The following CRISPLD1 variants were observed in gnomAD, a reference collection of about 807,000 sequenced individuals.
CRISPLD1 encodes the protein cysteine-rich secretory protein LCCL domain-containing 1.
A neutral mutation model predicts 77.5 loss-of-function variants in CRISPLD1; 60 were observed. That is an observed-to-expected ratio of 0.77 (90% CI 0.63 to 0.96). The LOEUF is 0.96. Ranked by LOEUF, CRISPLD1 falls within the 40% of genes least tolerant of loss-of-function variation. The pLI, the probability that CRISPLD1 is intolerant of heterozygous loss-of-function variation, is 0.00. For synonymous variants in CRISPLD1, 195 were observed against 200.1 expected (o/e 0.97, Z 0.22); for missense variants, 623 against 615.8 (o/e 1.01, Z -0.12).
At chr8:74,985,754 G>GA (rs904441963) in intron 1 of CRISPLD1, among the ~76,000 whole-genome samples, 172 bp from the exon 2 acceptor site, 11 of 151,778 alleles carry the variant, frequency 7.2e-5, no homozygotes, top group South Asian at 6.2e-4. Context: ...TCCTCTGGAA[G>GA]AAAAAAAATG....
chr8:75,019,757 A>G (rs1023327226), intron 10 of CRISPLD1, 113 bp from the exon 11 acceptor site: 2 of 742,168 alleles, frequency 2.7e-6, no homozygotes, highest in Admixed American at 2.4e-5. Context: ...TGTCTATTTT[A>G]GTAAGTGTTT....
At chr8:75,008,271 G>A (rs1812869323) in intron 2 of CRISPLD1, among the ~76,000 whole-genome samples, 1 of 152,020 alleles carries the variant, frequency 6.6e-6, no homozygotes, top group Admixed American at 6.6e-5. Flanking sequence ...AGTGGCAATT[G>A]TAGTGTGGTT....
chr8:75,004,046 T>C (rs1001225790), intron 2 of CRISPLD1, among the ~76,000 whole-genome samples: 1 of 152,260 alleles, frequency 6.6e-6, no homozygotes, highest in East Asian at 1.9e-4. Context: ...TTTCCTAAAC[T>C]GTTAGCTTGC....
intron 2 of CRISPLD1, among the ~76,000 whole-genome samples, chr8:74,987,755 A>G (rs923009922): frequency 6.6e-6 from 1 of 152,166 alleles, no homozygotes; most frequent in African/African-American, 2.4e-5. Context: ...TGCTTATTCC[A>G]TGTGAATAGG....
At chr8:75,005,136 G>GT (rs925615310) in intron 2 of CRISPLD1, among the ~76,000 whole-genome samples, 3 of 152,030 alleles carry the variant, frequency 2.0e-5, no homozygotes, top group African/African-American at 7.2e-5. Context: ...TGCTTCTTAG[G>GT]TAATTGAGAT....
chr8:75,029,650 G>C (rs899862424), intron 14 of CRISPLD1, 133 bp downstream of exon 14: 20 of 830,798 alleles, frequency 2.4e-5, no homozygotes, highest in Non-Finnish European at 3.2e-5. Context: ...GTGTTCCTTT[G>C]CACACTTGTG....
chr8:74,995,201 T>C (rs953061952), intron 2 of CRISPLD1, among the ~76,000 whole-genome samples: 1 of 151,718 alleles, frequency 6.6e-6, no homozygotes, highest in South Asian at 2.1e-4. Flanking sequence ...ACAAAGAAAA[T>C]TGAGAATTAG....
rs1813373746 is a variant in CRISPLD1 at position 75,032,734 on chromosome 8, TAA to T, written c.*494_*495del. ...CAAATAATTTTCCACTTAATAACTG[TAA>T]AGTTTTTTTCTGTTAATTTAGGCAT... On this transcript the variant is annotated 3_prime_UTR_variant, in exon 15 of 15. Transcript: ENST00000262207. 1 of 152,144 alleles carries T rather than the reference TAA, an allele frequency of 6.6e-6. No homozygotes were observed. Among genetic ancestry groups the T allele is most frequent in the East Asian group, 1.9e-4 (1 of 5,196 alleles). The allele number at this position is 152,144 out of a possible 1,614,324, so 9.4% of individuals were successfully genotyped here. A position where few individuals can be genotyped will look rare whatever the true frequency, so the allele number is the denominator to read the frequency against.
chr8:75,009,337 G>GA (rs544809518), intron 2 of CRISPLD1, among the ~76,000 whole-genome samples: 4,083 of 145,168 alleles, frequency 0.028, 64 homozygotes, highest in Non-Finnish European at 0.036. Flanking sequence ...GAAAAAAAAA[G>GA]AAAAAAAAAA....
chr8:75,030,265 G>A (rs1418632897), intron 14 of CRISPLD1, among the ~76,000 whole-genome samples: 2 of 152,018 alleles, frequency 1.3e-5, no homozygotes, highest in Non-Finnish European at 2.9e-5. Context: ...GTCATACGGG[G>A]TATCTAGATT....
At chr8:75,031,627 G>T (rs1813349389) in intron 14 of CRISPLD1, among the ~76,000 whole-genome samples, 1 of 151,464 alleles carries the variant, frequency 6.6e-6, no homozygotes, top group Non-Finnish European at 1.5e-5. Flanking sequence ...ATATTCTTAG[G>T]TCTTTCAGAT....
chr8:75,022,544 C>T (rs561707097), intron 12 of CRISPLD1, among the ~76,000 whole-genome samples: 110 of 148,546 alleles, frequency 7.4e-4, no homozygotes, highest in African/African-American at 2.4e-3. Context: ...GCTGAGATTG[C>T]GCCACTGCAC....
chr8:75,033,976 C>T lies in CRISPLD1; in HGVS notation c.*1734C>T, dbSNP rs181803641. ...CTGCTCCTCCCACAACAGGGAAGCC[C>T]GATCAGTTCTGTCAGTATAAGGTTT... On this transcript the variant is annotated 3_prime_UTR_variant, in exon 15 of 15. Transcript: ENST00000262207. The T allele has an allele frequency of 2.6e-5, 4 of 152,098 alleles. No homozygotes were observed. The East Asian group carries it at 7.7e-4, about 29-fold the overall frequency. The allele number at this position is 152,098 out of a possible 1,614,324, so 9.4% of individuals were successfully genotyped here.
chr8:75,024,479 C>A (rs1813199038), intron 12 of CRISPLD1, among the ~76,000 whole-genome samples: 1 of 152,100 alleles, frequency 6.6e-6, no homozygotes, highest in Non-Finnish European at 1.5e-5. Context: ...CACCCAGGAC[C>A]ATGCCCGGCT....
intron 2 of CRISPLD1, among the ~76,000 whole-genome samples, chr8:75,000,959 T>C (rs1812729901): frequency 6.6e-6 from 1 of 152,158 alleles, no homozygotes; most frequent in Admixed American, 6.6e-5. Flanking sequence ...ATTAGAAAAT[T>C]GCAAAAACAT....
At position 74,988,990 on chromosome 8, in the gene CRISPLD1, A is replaced by G. The variant is rs139428049; in HGVS notation, c.258+2745A>G. On this transcript the variant is annotated intron_variant, in intron 2 of 14. Coordinates refer to ENST00000262207, the MANE Select transcript of CRISPLD1 (RefSeq NM_031461.6). ...TCTGTAAGTAATGCCAGAGGAGCAC[A>G]GAACAAATGGAACATTTCTAACTTT... 4.4e-3 allele frequency among the ~76,000 whole-genome samples: 675 copies of G among 152,350 alleles called. 3 individuals are homozygous for G. The highest frequency in any genetic ancestry group is 0.015 in the African/African-American group (628 of 41,584).
intron 2 of CRISPLD1, among the ~76,000 whole-genome samples, chr8:75,004,600 A>G (rs1161555596): frequency 1.3e-5 from 2 of 152,148 alleles, no homozygotes; most frequent in African/African-American, 4.8e-5. Flanking sequence ...CACGTTGACA[A>G]CTTTATCAGA....
chr8:75,014,904 G>T lies in CRISPLD1; in HGVS notation c.719G>T (p.Cys240Phe). The T allele has an allele frequency of 6.4e-7, 1 of 1,567,748 alleles. No individual in the cohort carries two copies. The highest frequency in any genetic ancestry group is 2.4e-5 in the East Asian group (1 of 41,768). The change falls in exon 6 of 15, where the codon TGC becomes TTC. Residue 240 changes from cysteine (C) to phenylalanine (F), a missense_variant. Physicochemically the swap from Cys to Phe is radical, Grantham distance 205. Coordinates refer to ENST00000262207, the MANE Select transcript of CRISPLD1 (RefSeq NM_031461.6). ...SFGGGCRENL[C>F]YKEGSDRYYP... Reference sequence around the variant, plus strand: ...GGAGGGGGCTGTAGAGAAAATCTGTGCTACAAAGGTAAGTGCTATTGTGTT... The same window carrying T: ...GGAGGGGGCTGTAGAGAAAATCTGTTCTACAAAGGTAAGTGCTATTGTGTT...
At chr8:74,987,686 A>G (rs2128780386) in intron 2 of CRISPLD1, among the ~76,000 whole-genome samples, 1 of 152,298 alleles carries the variant, frequency 6.6e-6, no homozygotes, top group Non-Finnish European at 1.5e-5. Context: ...TGACTTCTTC[A>G]TCTGTGAGAC....
Sources: gnomAD v4.1 joint callset for allele counts (sites outside exome capture counted in the v4.1 genomes callset) on GRCh38, gnomAD v4.1.1 for gene constraint, MANE v1.5 for transcripts, NCBI Gene and HGNC (gene_info 2026-07-23, HGNC 2026-07-21) for gene names.